GOLM2: variants seen among roughly 807,000 people sequenced by gnomAD.
The protein encoded by GOLM2 is golgi membrane protein 2, also known as protein GOLM2.
In GOLM2, 26 loss-of-function variants were observed where a neutral mutation model predicts 55.9. That is an observed-to-expected ratio of 0.47 (90% CI 0.34 to 0.65). The LOEUF is 0.65. Ranked by LOEUF, GOLM2 falls within the 30% of genes least tolerant of loss-of-function variation. The pLI, the probability that GOLM2 is intolerant of heterozygous loss-of-function variation, is 0.01. For synonymous variants in GOLM2, 165 were observed against 194.6 expected, an observed-to-expected ratio of 0.85 and a Z score of 1.27; for missense variants, 486 against 531.8, an observed-to-expected ratio of 0.91 and a Z score of 0.85.
intron 8 of GOLM2, among the ~76,000 whole-genome samples, chr15:44,383,128 T>C (rs1171659205): frequency 1.3e-5 from 2 of 151,104 alleles, no homozygotes; most frequent in Non-Finnish European, 2.9e-5. Context: ...ATTATATACA[T>C]ATACAGAATA....
chr15:44,337,800 A>G lies in GOLM2; in HGVS notation c.614A>G (p.Glu205Gly), dbSNP rs761750540. Residue 205 changes from glutamate (E) to glycine (G), a missense_variant, in exon 5 of 10, where the codon GAA (glutamate) becomes GGA (glycine). By Grantham distance (98) the Glu-to-Gly change is moderately conservative (BLOSUM62 -2). Transcript: ENST00000299957. ...TQKIQSNDGK[E>G]LDINNQVVPK... The stretch of plus-strand genomic sequence containing the variant: ...AAGATTCAATCAAATGATGGAAAGG[A>G]ATTGGATATAAACAATCAAGTAGTA... The G allele has an allele frequency of 3.8e-6, 6 of 1,594,724 alleles. No individual in the cohort carries two copies. In the South Asian group the frequency reaches 5.8e-5, roughly 15 times the overall value.
intron 1 of GOLM2, among the ~76,000 whole-genome samples, chr15:44,296,929 C>T (rs1284865096): frequency 1.3e-5 from 2 of 152,174 alleles, no homozygotes; most frequent in East Asian, 3.8e-4. Flanking sequence ...TTGCCTCTGC[C>T]TCACCAGCCA....
chr15:44,384,094 T>C (rs1314420308), intron 8 of GOLM2, among the ~76,000 whole-genome samples: 1 of 152,170 alleles, frequency 6.6e-6, no homozygotes. Flanking sequence ...TAATTAAAAA[T>C]AATTTTTTGT....
intron 2 of GOLM2, among the ~76,000 whole-genome samples, chr15:44,327,555 T>C (rs972563872): frequency 2.0e-5 from 3 of 152,130 alleles, no homozygotes; most frequent in African/African-American, 7.2e-5. Flanking sequence ...ATGTTATATT[T>C]TAATCTTAAT....
chr15:44,355,343 G>C (rs2079190672), intron 6 of GOLM2: 1 of 162,244 alleles, frequency 6.2e-6, no homozygotes, highest in Non-Finnish European at 1.4e-5. Context: ...TGTGGGCAAG[G>C]ACATCCCTGA....
At chr15:44,332,230 A>G (rs1043589198) in intron 4 of GOLM2, 152 bp downstream of exon 4, 11 of 537,500 alleles carry the variant, frequency 2.0e-5, no homozygotes, top group African/African-American at 1.8e-4. Flanking sequence ...TTTATTTCTG[A>G]GTAAATTAAA....
At chr15:44,335,369 A>G (rs1266342482) in intron 4 of GOLM2, among the ~76,000 whole-genome samples, 2 of 152,224 alleles carry the variant, frequency 1.3e-5, no homozygotes, top group Non-Finnish European at 2.9e-5. Flanking sequence ...ATCTTATTTT[A>G]TTAATATTAA....
At chr15:44,398,106 A>G (rs1195618174) in intron 8 of GOLM2, among the ~76,000 whole-genome samples, 2 of 152,188 alleles carry the variant, frequency 1.3e-5, no homozygotes, top group African/African-American at 4.8e-5. Context: ...AATCTTGACT[A>G]CTGGTTATTG....
At chr15:44,385,106 A>G (rs1423903211) in intron 8 of GOLM2, among the ~76,000 whole-genome samples, 1 of 152,008 alleles carries the variant, frequency 6.6e-6, no homozygotes, top group Non-Finnish European at 1.5e-5. Flanking sequence ...GGTTGTTTCT[A>G]TATTTTGGCT....
chr15:44,317,685 T>G (rs577857228), intron 1 of GOLM2, among the ~76,000 whole-genome samples: 45 of 152,238 alleles, frequency 3.0e-4, no homozygotes, highest in African/African-American at 1.1e-3. Flanking sequence ...TCGCCCGAGC[T>G]CCATATGTCC....
At chr15:44,305,654 A>G (rs1243031324) in intron 1 of GOLM2, among the ~76,000 whole-genome samples, 1 of 152,166 alleles carries the variant, frequency 6.6e-6, no homozygotes. Flanking sequence ...AAGACTTTCA[A>G]TTTATTTTGC....
chr15:44,348,135 G>GC (rs2079137540), intron 6 of GOLM2, among the ~76,000 whole-genome samples: 1 of 152,134 alleles, frequency 6.6e-6, no homozygotes, highest in Admixed American at 6.5e-5. Context: ...AGTAGCGACT[G>GC]CAAGTAAAGA....
chr15:44,358,575 T>G lies in GOLM2; in HGVS notation c.802+20258T>G, dbSNP rs149695539. On this transcript the variant is annotated intron_variant, in intron 6 of 9. Coordinates refer to ENST00000299957, the MANE Select transcript of GOLM2 (RefSeq NM_138423.4). ...ATAGACACACATAAATATAGTCAAC[T>G]GGTCTTTGACAAAGAAGCAAAGGCA... 6.8e-4 allele frequency among the ~76,000 whole-genome samples: 104 copies of G among 152,240 alleles called. 1 individual carries two copies. In the East Asian group the frequency reaches 0.02, roughly 29 times the overall value.
At chr15:44,368,303 A>ATTTTTTTTTTTTT (rs1245673474) in intron 6 of GOLM2, among the ~76,000 whole-genome samples, 3 of 115,666 alleles carry the variant, frequency 2.6e-5, no homozygotes, top group South Asian at 2.7e-4. Flanking sequence ...ACGCCCAGCT[A>ATTTTTTTTTTTTT]TTTTTTTTTT....
At chr15:44,386,788 T>G (rs1212954953) in intron 8 of GOLM2, among the ~76,000 whole-genome samples, 1 of 152,112 alleles carries the variant, frequency 6.6e-6, no homozygotes, top group African/African-American at 2.4e-5. Context: ...GGAGGATTGC[T>G]TGAGCCCAGG....
intron 1 of GOLM2, among the ~76,000 whole-genome samples, chr15:44,314,256 A>G (rs2078893896): frequency 6.6e-6 from 1 of 150,860 alleles, no homozygotes; most frequent in East Asian, 1.9e-4. Flanking sequence ...AAAAGAAAAG[A>G]AAAGAAAATG....
chr15:44,414,864 T>A lies in GOLM2; in HGVS notation c.*1458T>A, dbSNP rs1281621122. ...ATGCATTTATCTTTTTTGACACTAT[T>A]CAGTGGAATGTGTAAGCTAGCTAAT... On this transcript the variant is annotated 3_prime_UTR_variant, in exon 10 of 10. Coordinates refer to ENST00000299957, the MANE Select transcript of GOLM2 (RefSeq NM_138423.4). 1 of 152,648 alleles carries A rather than the reference T, an allele frequency of 6.6e-6. No individual in the cohort carries two copies. Among genetic ancestry groups the A allele is most frequent in the African/African-American group, 2.4e-5 (1 of 41,464 alleles). The allele number at this position is 152,648 out of a possible 1,614,324, so 9.5% of individuals were successfully genotyped here.
intron 1 of GOLM2, among the ~76,000 whole-genome samples, chr15:44,311,048 AAAAC>A (rs1304583214): frequency 5.9e-5 from 9 of 152,062 alleles, no homozygotes; most frequent in Non-Finnish European, 1.2e-4. Flanking sequence ...GAACAAGCAA[AAAAC>A]AAACATACAT....
chr15:44,296,249 C>T (rs1349060372), intron 1 of GOLM2, among the ~76,000 whole-genome samples: 1 of 152,186 alleles, frequency 6.6e-6, no homozygotes, highest in Non-Finnish European at 1.5e-5. Flanking sequence ...AACTGTAGCT[C>T]ATACTAAAGC....
Sources: gnomAD v4.1 joint callset for allele counts (sites outside exome capture counted in the v4.1 genomes callset) on GRCh38, gnomAD v4.1.1 for gene constraint, MANE v1.5 for transcripts, NCBI Gene and HGNC (gene_info 2026-07-23, HGNC 2026-07-21) for gene names.